Variants in EYA2 observed in about 807,000 individuals in gnomAD.
The protein encoded by EYA2 is EYA transcriptional coactivator and phosphatase 2.
Under a neutral mutation model 69.2 loss-of-function variants are expected in EYA2, and 31 were observed. That is an observed-to-expected ratio of 0.45 (90% CI 0.34 to 0.60). EYA2 has a LOEUF of 0.60. Ranked by LOEUF, EYA2 falls within the 20% of genes least tolerant of loss-of-function variation. The pLI, the probability that EYA2 is intolerant of heterozygous loss-of-function variation, is 0.02. For missense variants in EYA2, 622 were observed against 701.2 expected, an observed-to-expected ratio of 0.89 and a Z score of 1.28; for synonymous variants, 257 against 279.4, an observed-to-expected ratio of 0.92 and a Z score of 0.80.
At chr20:47,151,971 CTT>C (rs551606865) in intron 10 of EYA2, among the ~76,000 whole-genome samples, 2 of 152,000 alleles carry the variant, frequency 1.3e-5, no homozygotes, top group Non-Finnish European at 2.9e-5. Context: ...AGGAAACTGA[CTT>C]TGTTTATGTG....
intron 2 of EYA2, among the ~76,000 whole-genome samples, chr20:46,995,875 C>A (rs1418123530): frequency 4.6e-5 from 7 of 152,182 alleles, no homozygotes; most frequent in Non-Finnish European, 1.5e-5. Context: ...AGCACTTAAC[C>A]ATTTGCCAGG....
intron 1 of EYA2, among the ~76,000 whole-genome samples, chr20:46,986,955 T>A (rs1440633936): frequency 6.6e-6 from 1 of 152,134 alleles, no homozygotes; most frequent in Non-Finnish European, 1.5e-5. Flanking sequence ...TGTCATCAGA[T>A]CAAAAAGTCC....
At chr20:47,139,650 G>A (rs528259328) in intron 9 of EYA2, among the ~76,000 whole-genome samples, 42 of 152,160 alleles carry the variant, frequency 2.8e-4, no homozygotes, top group Non-Finnish European at 5.6e-4. Context: ...GGCTGGTCTC[G>A]AACTCCTGAC....
intron 2 of EYA2, among the ~76,000 whole-genome samples, chr20:46,993,691 G>A (rs1981836272): frequency 6.6e-6 from 1 of 152,228 alleles, no homozygotes; most frequent in Non-Finnish European, 1.5e-5. Flanking sequence ...CGATAAAGAA[G>A]CAAAGTATTT....
intron 5 of EYA2, among the ~76,000 whole-genome samples, chr20:47,035,149 G>C (rs1381684344): frequency 6.6e-6 from 1 of 152,162 alleles, no homozygotes; most frequent in Non-Finnish European, 1.5e-5. Flanking sequence ...CAAGAGGCTT[G>C]GAGCCAAGAA....
intron 1 of EYA2, among the ~76,000 whole-genome samples, chr20:46,966,637 T>C (rs984321353): frequency 6.6e-6 from 1 of 151,998 alleles, no homozygotes; most frequent in African/African-American, 2.4e-5. Context: ...TGAAACCCTG[T>C]CTCTACTCAA....
At chr20:46,936,234 GC>G (rs1985903414) in intron 1 of EYA2, among the ~76,000 whole-genome samples, 2 of 152,216 alleles carry the variant, frequency 1.3e-5, no homozygotes. Context: ...CACTTGGGAG[GC>G]CTAGGCAGGC....
chr20:46,953,894 C>G (rs1248535261), intron 1 of EYA2, among the ~76,000 whole-genome samples: 2 of 152,220 alleles, frequency 1.3e-5, no homozygotes, highest in African/African-American at 4.8e-5. Context: ...CTGTTCAGAA[C>G]CTTCCAGCAA....
At chr20:47,145,670 G>A (rs147699023) in intron 10 of EYA2, among the ~76,000 whole-genome samples, 1,745 of 152,170 alleles carry the variant, frequency 0.011, 29 homozygotes, top group African/African-American at 0.037. Context: ...AGGCCAAGGC[G>A]GGTGGATCAC....
chr20:47,074,767 A>C (rs1486662132), intron 7 of EYA2, among the ~76,000 whole-genome samples: 2 of 152,158 alleles, frequency 1.3e-5, no homozygotes, highest in Non-Finnish European at 2.9e-5. Flanking sequence ...CCCCATGTTC[A>C]TTACTGCCTG....
At chr20:46,913,585 G>A (rs1381192117) in intron 1 of EYA2, among the ~76,000 whole-genome samples, 1 of 117,384 alleles carries the variant, frequency 8.5e-6, no homozygotes, top group Admixed American at 9.2e-5. Context: ...AGACTGTTCA[G>A]ACAGGGAGGT....
At chr20:47,028,039 G>T (rs1984195571) in intron 5 of EYA2, among the ~76,000 whole-genome samples, 2 of 152,100 alleles carry the variant, frequency 1.3e-5, no homozygotes, top group African/African-American at 4.8e-5. Context: ...GTTAAATGAG[G>T]TCATGAGGGT....
intron 2 of EYA2, among the ~76,000 whole-genome samples, chr20:46,994,379 T>C (rs1336432742): frequency 6.6e-6 from 1 of 152,074 alleles, no homozygotes; most frequent in Non-Finnish European, 1.5e-5. Context: ...GGTGGGGAGT[T>C]CCCCTGAATA....
chr20:47,121,511 A>G (rs1057099272), intron 9 of EYA2, among the ~76,000 whole-genome samples: 3 of 152,216 alleles, frequency 2.0e-5, no homozygotes, highest in African/African-American at 7.2e-5. Flanking sequence ...ACAGCTAAAA[A>G]ACAAAATTGA....
intron 9 of EYA2, among the ~76,000 whole-genome samples, chr20:47,141,754 A>G (rs2033601487): frequency 6.6e-6 from 1 of 152,224 alleles, no homozygotes. Context: ...AAGAGAGTGC[A>G]TGGGGAAGTG....
At chr20:47,146,024 T>C (rs1427030863) in intron 10 of EYA2, among the ~76,000 whole-genome samples, 2 of 151,698 alleles carry the variant, frequency 1.3e-5, no homozygotes, top group Non-Finnish European at 2.9e-5. Context: ...GACGTGGACT[T>C]GAGGGTGAGG....
intron 1 of EYA2, among the ~76,000 whole-genome samples, chr20:46,919,684 T>C (rs1201238361): frequency 6.6e-6 from 1 of 152,264 alleles, no homozygotes; most frequent in Non-Finnish European, 1.5e-5. Context: ...TGCTTTCTTA[T>C]CACTCGTGTG....
chr20:46,918,363 C>T (rs894309751), intron 1 of EYA2, among the ~76,000 whole-genome samples: 1 of 150,380 alleles, frequency 6.6e-6, no homozygotes, highest in African/African-American at 2.4e-5. Context: ...AGCTGATGTG[C>T]AATGGCACGA....
intron 10 of EYA2, 134 bp from the exon 11 acceptor site, chr20:47,169,005 T>C: frequency 1.3e-6 from 1 of 746,956 alleles, no homozygotes; most frequent in Admixed American, 2.0e-5. Context: ...AAATCCAGAC[T>C]AGAACCCGAG....
Sources: allele counts gnomAD v4.1 joint callset (sites outside exome capture counted in the v4.1 genomes callset), GRCh38; gene constraint gnomAD v4.1.1; transcripts MANE v1.5; gene names NCBI Gene and HGNC (gene_info 2026-07-23, HGNC 2026-07-21).